WWOX: variants seen among roughly 807,000 people sequenced by gnomAD.
WWOX encodes the protein WW domain-containing oxidoreductase.
Under a neutral mutation model 46.2 loss-of-function variants are expected in WWOX, and 69 were observed. The observed-to-expected ratio is 1.49, with a 90% CI of 1.23 to 1.82. The LOEUF (loss-of-function observed/expected upper bound fraction) is 1.82. Among genes scored for constraint, WWOX ranks in the 40% most tolerant of loss-of-function variants. The pLI is 0.00. For missense variants in WWOX, 919 were observed against 542.6 expected, an observed-to-expected ratio of 1.69 and a Z score of -6.89; for synonymous variants, 359 against 202.6, an observed-to-expected ratio of 1.77 and a Z score of -6.56.
chr16:78,371,262 C>CTTT (rs2081676782), intron 5 of WWOX, among the ~76,000 whole-genome samples: 1 of 152,118 alleles, frequency 6.6e-6, no homozygotes, highest in Non-Finnish European at 1.5e-5. Flanking sequence ...AGCTATGACT[C>CTTT]TCTACAGATG....
chr16:78,178,437 A>G (rs372473121), intron 5 of WWOX, among the ~76,000 whole-genome samples: 3 of 152,302 alleles, frequency 2.0e-5, no homozygotes, highest in African/African-American at 7.2e-5. Flanking sequence ...AGCGTCTTTC[A>G]TCTGATTTCC....
At chr16:78,421,176 G>A (rs1397810887) in intron 6 of WWOX, among the ~76,000 whole-genome samples, 1 of 152,176 alleles carries the variant, frequency 6.6e-6, no homozygotes, top group Non-Finnish European at 1.5e-5. Context: ...AATTACCACA[G>A]ATGGAGTGCC....
In WWOX at chr16:78,874,242, C is replaced by T. The variant is rs1385650788; in HGVS notation, c.1057-337366C>T. Among the ~76,000 whole-genome samples the T allele has an allele frequency of 6.5e-4, 90 of 138,602 alleles. 1 individual carries two copies. Among genetic ancestry groups the T allele is most frequent in the African/African-American group, 2.2e-3 (78 of 36,050 alleles). 90.9% of individuals were successfully genotyped at this position (138,602 alleles called of 152,430 possible). ...CTGCACTCTAGCATGGGCGACAGAG[C>T]GAGACTCTGTCTCAAAAAAAAAAAA... On this transcript the variant is annotated intron_variant, in intron 8 of 8. Transcript: ENST00000566780.
At chr16:79,198,908 C>T (rs997355441) in intron 8 of WWOX, among the ~76,000 whole-genome samples, 1 of 152,184 alleles carries the variant, frequency 6.6e-6, no homozygotes, top group Non-Finnish European at 1.5e-5. Context: ...GTTCCTGCTT[C>T]ACTTGTGCTG....
intron 8 of WWOX, among the ~76,000 whole-genome samples, chr16:78,864,654 C>T (rs1324180161): frequency 6.6e-6 from 1 of 151,608 alleles, no homozygotes; most frequent in Admixed American, 6.6e-5. Flanking sequence ...TTGGGCCCAG[C>T]TCTGAGATTC....
At chr16:79,046,578 C>T (rs769676810) in intron 8 of WWOX, among the ~76,000 whole-genome samples, 12 of 152,180 alleles carry the variant, frequency 7.9e-5, no homozygotes, top group East Asian at 3.9e-4. Context: ...GAGAGCTCAC[C>T]GGGGAGTGTT....
chr16:78,504,466 T>C (rs1199390157), intron 8 of WWOX, among the ~76,000 whole-genome samples: 2 of 152,220 alleles, frequency 1.3e-5, no homozygotes, highest in African/African-American at 4.8e-5. Context: ...TCATACAAAT[T>C]GTCCAGGGTT....
At chr16:79,087,801 C>T (rs1183197369) in intron 8 of WWOX, among the ~76,000 whole-genome samples, 2 of 152,138 alleles carry the variant, frequency 1.3e-5, no homozygotes, top group Non-Finnish European at 2.9e-5. Flanking sequence ...GCGAGGAAAT[C>T]ACTGAAGCCA....
At chr16:79,121,164 C>T (rs947407314) in intron 8 of WWOX, among the ~76,000 whole-genome samples, 5 of 152,172 alleles carry the variant, frequency 3.3e-5, no homozygotes, top group South Asian at 2.1e-4. Context: ...CTCACACCTG[C>T]GTATACCCTG....
chr16:78,787,126 C>T lies in WWOX; in HGVS notation c.1056+354374C>T, dbSNP rs147486068. On this transcript the variant is annotated intron_variant, in intron 8 of 8. Coordinates refer to ENST00000566780, the MANE Select transcript of WWOX (RefSeq NM_016373.4). Reference sequence around the variant, plus strand: ...TTGCACCACTGGACTCCAGCCTGGGCGACAGAGTGAGACTGTGTCTCAAAA... The same window carrying T: ...TTGCACCACTGGACTCCAGCCTGGGTGACAGAGTGAGACTGTGTCTCAAAA... Among the ~76,000 whole-genome samples, 299 of 152,146 alleles carry T rather than the reference C, an allele frequency of 2.0e-3. 1 individual carries two copies. Among genetic ancestry groups the T allele is most frequent in the African/African-American group, 6.7e-3 (278 of 41,502 alleles).
intron 8 of WWOX, among the ~76,000 whole-genome samples, chr16:78,824,449 A>T (rs1042214291): frequency 6.6e-6 from 1 of 152,192 alleles, no homozygotes; most frequent in African/African-American, 2.4e-5. Context: ...CATGTCAGAT[A>T]CTTTCCTAGG....
chr16:78,964,284 T>A (rs1450842302), intron 8 of WWOX, among the ~76,000 whole-genome samples: 1 of 152,202 alleles, frequency 6.6e-6, no homozygotes, highest in East Asian at 1.9e-4. Context: ...ACTTGTTGAA[T>A]GGCTTTGCCC....
At chr16:78,129,240 A>G (rs2033490213) in intron 4 of WWOX, among the ~76,000 whole-genome samples, 2 of 152,054 alleles carry the variant, frequency 1.3e-5, no homozygotes, top group Admixed American at 6.6e-5. Context: ...TTGGTGTGTC[A>G]TCATCGCGAC....
rs543421936 is a variant in WWOX, at chr16:79,162,223, C to T, written c.1057-49385C>T. Among the ~76,000 whole-genome samples, 47 of 152,298 alleles carry T rather than the reference C, an allele frequency of 3.1e-4. No individual in the cohort carries two copies. In the South Asian group the frequency reaches 9.3e-3, roughly 30 times the overall value. On this transcript the variant is annotated intron_variant, in intron 8 of 8. Transcript: ENST00000566780. ...GGGTTGATGAGATGCTGGTATGTAT[C>T]ATTCGTTCAGCCATTCTTTCAGTAA...
chr16:78,764,777 C>A (rs966044794), intron 8 of WWOX, among the ~76,000 whole-genome samples: 10 of 151,688 alleles, frequency 6.6e-5, no homozygotes, highest in African/African-American at 2.2e-4. Context: ...GTTTCTAGCA[C>A]AGTGTCTTGA....
At chr16:78,481,764 T>TGTGTGTGTGCGCGC (rs149940474) in intron 8 of WWOX, among the ~76,000 whole-genome samples, 1 of 147,928 alleles carries the variant, frequency 6.8e-6, no homozygotes, top group African/African-American at 2.5e-5. Context: ...TGTGTGTGTG[T>TGTGTGTGTGCGCGC]GCGCGCGCCT....
intron 6 of WWOX, among the ~76,000 whole-genome samples, chr16:78,392,309 C>T (rs1423195882): frequency 6.6e-6 from 1 of 152,084 alleles, no homozygotes; most frequent in East Asian, 1.9e-4. Flanking sequence ...GCTGCATGCT[C>T]CTTACGAAAA....
intron 8 of WWOX, chr16:78,691,146 A>C (rs1206009089): frequency 1.5e-6 from 1 of 666,224 alleles, no homozygotes; most frequent in Non-Finnish European, 2.7e-6. Flanking sequence ...ATAAAAGCAA[A>C]AGCACAGTAT....
At chr16:78,204,210 G>C (rs16947271) in intron 5 of WWOX, among the ~76,000 whole-genome samples, 7,696 of 152,272 alleles carry the variant, frequency 0.051, 224 homozygotes, top group Middle Eastern at 0.065. Context: ...GATGTGGGCA[G>C]ACCCTCCAGC....
Sources: gnomAD v4.1 joint callset for allele counts (sites outside exome capture counted in the v4.1 genomes callset) on GRCh38, gnomAD v4.1.1 for gene constraint, MANE v1.5 for transcripts, NCBI Gene and HGNC (gene_info 2026-07-23, HGNC 2026-07-21) for gene names.